Variants in SV2C observed in about 807,000 individuals in gnomAD.
SV2C encodes solute carrier family 22 member B3.
SV2C carries 49 observed loss-of-function variants against 79.7 expected under a neutral mutation model. That is an observed-to-expected ratio of 0.61 (90% CI 0.49 to 0.78). The LOEUF is 0.78. Ranked by LOEUF, SV2C falls within the 30% of genes least tolerant of loss-of-function variation. The pLI is 0.00. For missense variants in SV2C, 833 were observed against 912.9 expected (o/e 0.91, Z 1.13); for synonymous variants, 334 against 333.2 (o/e 1.00, Z -0.03).
At chr5:75,906,993 A>G in the SV2C span, among the ~76,000 whole-genome samples, 1 of 151,966 alleles carries the variant, frequency 6.6e-6, no homozygotes, top group Non-Finnish European at 1.5e-5. Flanking sequence ...ATATTGAGAA[A>G]CTCTGTCTTA....
chr5:75,869,404 G>T, the SV2C span, among the ~76,000 whole-genome samples: 1 of 152,230 alleles, frequency 6.6e-6, no homozygotes, highest in African/African-American at 2.4e-5. Context: ...AACGGCCACA[G>T]GGTGAGGCTC....
the SV2C span, among the ~76,000 whole-genome samples, chr5:76,017,446 C>A: frequency 6.6e-6 from 1 of 152,048 alleles, no homozygotes; most frequent in African/African-American, 2.4e-5. Context: ...ACCACCATAC[C>A]AGGCTAATTT....
intron 2 of SV2C, among the ~76,000 whole-genome samples, chr5:76,175,170 T>A (rs1416751737): frequency 6.6e-6 from 1 of 152,220 alleles, no homozygotes; most frequent in Non-Finnish European, 1.5e-5. Context: ...GCCTGGTGTT[T>A]AAGTCCAGTT....
intron 2 of SV2C, among the ~76,000 whole-genome samples, chr5:76,153,065 G>C (rs1212257423): frequency 1.3e-5 from 2 of 152,172 alleles, no homozygotes; most frequent in African/African-American, 2.4e-5. Flanking sequence ...CCCAGGAAAG[G>C]CCAGGGTACT....
the SV2C span, among the ~76,000 whole-genome samples, chr5:75,968,173 C>T: frequency 3.9e-5 from 6 of 152,242 alleles, 1 homozygote; most frequent in East Asian, 5.8e-4. Flanking sequence ...CCCATCTGTA[C>T]GTCACCATCA....
At chr5:75,953,253 A>G in the SV2C span, among the ~76,000 whole-genome samples, 1 of 151,900 alleles carries the variant, frequency 6.6e-6, no homozygotes, top group East Asian at 1.9e-4. Flanking sequence ...CCTCCCAAGG[A>G]GAGGATTTAT....
intron 2 of SV2C, among the ~76,000 whole-genome samples, chr5:76,164,297 G>C (rs1393054444): frequency 1.3e-5 from 2 of 152,166 alleles, no homozygotes; most frequent in Non-Finnish European, 1.5e-5. Flanking sequence ...CTTATAAATT[G>C]TTAAAGAATT....
intron 5 of SV2C, 21 bp from the exon 6 acceptor site, chr5:76,285,760 C>G: frequency 6.2e-7 from 1 of 1,607,520 alleles, no homozygotes; most frequent in African/African-American, 1.3e-5. Flanking sequence ...TAGCGCTTCA[C>G]TGTCCACTCT....
the SV2C span, among the ~76,000 whole-genome samples, chr5:76,060,709 T>C: frequency 6.6e-6 from 1 of 152,112 alleles, no homozygotes; most frequent in Non-Finnish European, 1.5e-5. Flanking sequence ...TATCATTTGG[T>C]GTTCCCTGGA....
chr5:75,921,018 C>T, the SV2C span: 1 of 714,272 alleles, frequency 1.4e-6, no homozygotes, highest in Non-Finnish European at 2.5e-6. Flanking sequence ...CGGTAGTTCT[C>T]ATCCCTAATC....
intron 1 of SV2C, among the ~76,000 whole-genome samples, chr5:76,098,767 A>G (rs950508858): frequency 6.6e-5 from 10 of 152,236 alleles, no homozygotes; most frequent in African/African-American, 2.2e-4. Flanking sequence ...GCCTGAGGAG[A>G]AAAGCCAGTG....
chr5:75,984,362 T>C, the SV2C span, among the ~76,000 whole-genome samples: 2 of 152,108 alleles, frequency 1.3e-5, no homozygotes, highest in African/African-American at 4.8e-5. Context: ...GGGCCTACTA[T>C]ATGCTAGGCT....
chr5:75,918,617 C>T, the SV2C span, among the ~76,000 whole-genome samples: 272 of 152,342 alleles, frequency 1.8e-3, 6 homozygotes, highest in East Asian at 0.034. Context: ...TATAGTCTGT[C>T]CCTCATGAGT....
At chr5:76,194,166 C>G (rs1393224) in intron 2 of SV2C, among the ~76,000 whole-genome samples, 27,237 of 151,924 alleles carry the variant, frequency 0.18, 2,550 homozygotes, top group African/African-American at 0.24. Context: ...AGGGGATAGG[C>G]GAGGCTTTGT....
At chr5:76,129,685 G>A (rs1449479927) in intron 1 of SV2C, among the ~76,000 whole-genome samples, 1 of 152,058 alleles carries the variant, frequency 6.6e-6, no homozygotes, top group Non-Finnish European at 1.5e-5. Context: ...TGTGGCTGAG[G>A]ACAAAAGCAA....
the SV2C span, among the ~76,000 whole-genome samples, chr5:76,045,753 G>A: frequency 6.6e-6 from 1 of 152,074 alleles, no homozygotes; most frequent in Non-Finnish European, 1.5e-5. Flanking sequence ...AGTATAAATA[G>A]CGTGGTAATT....
At chr5:75,881,113 G>T in the SV2C span, among the ~76,000 whole-genome samples, 1 of 152,098 alleles carries the variant, frequency 6.6e-6, no homozygotes, top group South Asian at 2.1e-4. Flanking sequence ...ATGCCGCTAA[G>T]CCATTCATGA....
At chr5:75,911,176 G>A in the SV2C span, 1 of 1,594,010 alleles carries the variant, frequency 6.3e-7, no homozygotes, top group South Asian at 1.1e-5. Context: ...TGAGGAAGAA[G>A]AGCCTCTACC....
chr5:75,975,507 G>C, the SV2C span, among the ~76,000 whole-genome samples: 1 of 152,162 alleles, frequency 6.6e-6, no homozygotes, highest in African/African-American at 2.4e-5. Flanking sequence ...ACACTTTCCT[G>C]TGTCTCATGT....
Sources: gnomAD v4.1 joint callset for allele counts (sites outside exome capture counted in the v4.1 genomes callset) on GRCh38, gnomAD v4.1.1 for gene constraint, MANE v1.5 for transcripts, NCBI Gene and HGNC (gene_info 2026-07-23, HGNC 2026-07-21) for gene names.